NKAIN2: variants seen among roughly 807,000 people sequenced by gnomAD.
NKAIN2 encodes sodium/potassium transporting ATPase interacting 2.
NKAIN2 carries 14 observed loss-of-function variants against 32.6 expected under a neutral mutation model. The observed-to-expected ratio is 0.43, with a 90% confidence interval of 0.28 to 0.67. NKAIN2 has a LOEUF of 0.67. NKAIN2 is among the 30% of genes least tolerant of loss of function. The pLI, the probability that NKAIN2 is intolerant of heterozygous loss-of-function variation, is 0.17. For synonymous variants in NKAIN2, 80 were observed against 87.2 expected, an observed-to-expected ratio of 0.92 and a Z score of 0.46; for missense variants, 198 against 258.3, an observed-to-expected ratio of 0.77 and a Z score of 1.60.
chr6:123,810,726 TTTTG>T (rs907687611), intron 1 of NKAIN2, among the ~76,000 whole-genome samples: 1 of 152,158 alleles, frequency 6.6e-6, no homozygotes, highest in African/African-American at 2.4e-5. Flanking sequence ...TTTGCCTGTT[TTTTG>T]TTTGTTTGTT....
chr6:124,122,051 T>G (rs1785911338), intron 1 of NKAIN2: 1 of 214,698 alleles, frequency 4.7e-6, no homozygotes, highest in African/African-American at 2.3e-5. Flanking sequence ...TGTTTCATTT[T>G]CATCCAGAAA....
chr6:124,376,557 T>C (rs1001566550), intron 3 of NKAIN2, among the ~76,000 whole-genome samples: 1 of 152,124 alleles, frequency 6.6e-6, no homozygotes, highest in Non-Finnish European at 1.5e-5. Flanking sequence ...ATTTGATACA[T>C]ATTTTCAAAG....
At chr6:123,985,127 G>A (rs116639939) in intron 1 of NKAIN2, among the ~76,000 whole-genome samples, 1,959 of 152,228 alleles carry the variant, frequency 0.013, 36 homozygotes, top group African/African-American at 0.045. Context: ...GGCCAAGAGC[G>A]GTGGCTCACC....
intron 3 of NKAIN2, among the ~76,000 whole-genome samples, chr6:124,360,213 G>A (rs941811707): frequency 6.6e-6 from 1 of 152,078 alleles, no homozygotes; most frequent in Admixed American, 6.6e-5. Context: ...TGTTCATCAG[G>A]GATATTGGTC....
intron 3 of NKAIN2, among the ~76,000 whole-genome samples, chr6:124,453,543 G>A (rs896594432): frequency 1.1e-4 from 8 of 75,888 alleles, no homozygotes; most frequent in East Asian, 3.5e-4. Flanking sequence ...TTACCTAAAT[G>A]TTTCAAAAAT....
At position 124,791,392 on chromosome 6, in the gene NKAIN2, G is replaced by T. The variant is rs773640204; in HGVS notation, c.528G>T (p.Glu176Asp). ...CYVVKCITEE[E>D]DSFDFIGGFD... ...TTGTGAAATGTATAACTGAAGAAGA[G>T]GACAGCTGTAAGTATTAAAGCTCTA... Residue 176 changes from glutamate (E) to aspartate (D), a missense_variant, in exon 5 of 7, where the codon GAG becomes GAT. Transcript: ENST00000368417. The T allele has an allele frequency of 6.2e-7, 1 of 1,603,668 alleles. No homozygotes were observed.
intron 4 of NKAIN2, among the ~76,000 whole-genome samples, chr6:124,689,602 T>C (rs1774162706): frequency 6.6e-6 from 1 of 152,128 alleles, no homozygotes; most frequent in South Asian, 2.1e-4. Flanking sequence ...CATTTTTACA[T>C]TTAAATCTTG....
intron 1 of NKAIN2, among the ~76,000 whole-genome samples, chr6:123,954,058 C>A (rs929046719): frequency 5.3e-5 from 8 of 152,282 alleles, no homozygotes; most frequent in Middle Eastern, 3.4e-3. Flanking sequence ...GTGGAAGTGG[C>A]CCATGCTCCA....
chr6:124,766,955 C>T (rs192524757), intron 4 of NKAIN2, among the ~76,000 whole-genome samples: 2 of 152,158 alleles, frequency 1.3e-5, no homozygotes, highest in Non-Finnish European at 2.9e-5. Flanking sequence ...AGTGCAGTGG[C>T]GCCATCCTGG....
At chr6:124,574,434 G>A (rs570673402) in intron 3 of NKAIN2, among the ~76,000 whole-genome samples, 81 of 152,024 alleles carry the variant, frequency 5.3e-4, no homozygotes, top group South Asian at 5.0e-3. Context: ...CCTGGCCAAC[G>A]TGGCGAAACC....
At chr6:124,115,768 A>G in intron 1 of NKAIN2, among the ~76,000 whole-genome samples, 1 of 152,086 alleles carries the variant, frequency 6.6e-6, no homozygotes, top group East Asian at 1.9e-4. Context: ...AACTGCCATT[A>G]TAATTATGAT....
chr6:124,029,540 C>T (rs1781310429), intron 1 of NKAIN2, among the ~76,000 whole-genome samples: 3 of 152,096 alleles, frequency 2.0e-5, no homozygotes, highest in Admixed American at 2.0e-4. Flanking sequence ...TTTATTGGTA[C>T]CTACTGTGTG....
chr6:124,492,374 AT>A (rs1439814998), intron 3 of NKAIN2, among the ~76,000 whole-genome samples: 1 of 151,998 alleles, frequency 6.6e-6, no homozygotes, highest in African/African-American at 2.4e-5. Flanking sequence ...GTTCAGTCAA[AT>A]TTCCTACAGT....
chr6:124,361,013 A>C (rs192856367), intron 3 of NKAIN2, among the ~76,000 whole-genome samples: 2 of 152,118 alleles, frequency 1.3e-5, no homozygotes, highest in Non-Finnish European at 2.9e-5. Context: ...CCTTGATCAT[A>C]TATCAAATAG....
chr6:124,792,862 G>T lies in NKAIN2; in HGVS notation c.535+1463G>T, dbSNP rs146416836. The stretch of plus-strand genomic sequence containing the variant: ...TATGGGTGAGATAGTAGAAAAATGG[G>T]TATGAAGATTAAGGAGTTTGGGCTT... On this transcript the variant is annotated intron_variant, in intron 5 of 6. Transcript: ENST00000368417. 8.5e-5 allele frequency among the ~76,000 whole-genome samples: 13 copies of T among 152,168 alleles called. 1 individual carries two copies. In the East Asian group the frequency reaches 2.5e-3, roughly 29 times the overall value.
chr6:124,395,739 A>G lies in NKAIN2; in HGVS notation c.273+40392A>G, dbSNP rs543680950. 1.6e-4 allele frequency among the ~76,000 whole-genome samples: 24 copies of G among 152,300 alleles called. 1 individual carries two copies. In the South Asian group the frequency reaches 2.5e-3, roughly 16 times the overall value. ...TTTGATTATTTCTTTGATTACATTCATAAATAGAATGGCAATGGATATGTC... is the reference window on the plus strand; with the variant it reads ...TTTGATTATTTCTTTGATTACATTCGTAAATAGAATGGCAATGGATATGTC... On this transcript the variant is annotated intron_variant, in intron 3 of 6. Coordinates refer to ENST00000368417, the MANE Select transcript of NKAIN2 (RefSeq NM_001040214.3).
At chr6:124,028,177 A>G (rs17086513) in intron 1 of NKAIN2, among the ~76,000 whole-genome samples, 8,957 of 152,158 alleles carry the variant, frequency 0.059, 875 homozygotes, top group African/African-American at 0.2. Context: ...CATCCGCTCT[A>G]TAAAACCTTC....
intron 1 of NKAIN2, among the ~76,000 whole-genome samples, chr6:124,226,902 A>G (rs2114719003): frequency 6.6e-6 from 1 of 152,248 alleles, no homozygotes; most frequent in Admixed American, 6.6e-5. Flanking sequence ...TCTTTTTGTG[A>G]AAAGCACTTA....
At chr6:124,010,694 T>TTG (rs1265157595) in intron 1 of NKAIN2, among the ~76,000 whole-genome samples, 2 of 151,568 alleles carry the variant, frequency 1.3e-5, no homozygotes, top group Non-Finnish European at 2.9e-5. Context: ...GAAGATTAAA[T>TTG]TGTGTGTGTG....
Sources: gnomAD v4.1 joint callset for allele counts (sites outside exome capture counted in the v4.1 genomes callset) on GRCh38, gnomAD v4.1.1 for gene constraint, MANE v1.5 for transcripts, NCBI Gene and HGNC (gene_info 2026-07-23, HGNC 2026-07-21) for gene names.